The following GFRA1 variants were observed in gnomAD, a reference collection of about 807,000 sequenced individuals.
The protein encoded by GFRA1 is GDNF family receptor alpha 1, also known as GDNF family receptor alpha-1.
A neutral mutation model predicts 51.6 loss-of-function variants in GFRA1; 16 were observed. The ratio of observed to expected loss-of-function variants is 0.31; its 90% confidence interval spans 0.21 to 0.47. The LOEUF is 0.47. Among genes scored for constraint, GFRA1 ranks in the 20% least tolerant of loss-of-function variants. The pLI, the probability that GFRA1 is intolerant of heterozygous loss-of-function variation, is 1.00. For synonymous variants in GFRA1, 270 were observed against 241.3 expected (o/e 1.12, Z -1.10); for missense variants, 530 against 594.3 (o/e 0.89, Z 1.13).
chr10:116,121,884 A>G (rs1406551737), intron 6 of GFRA1, among the ~76,000 whole-genome samples: 3 of 152,196 alleles, frequency 2.0e-5, no homozygotes, highest in African/African-American at 7.2e-5. Context: ...ACGGCCTCAC[A>G]GAGATGGATT....
intron 5 of GFRA1, among the ~76,000 whole-genome samples, chr10:116,208,614 G>T (rs1042478519): frequency 6.6e-6 from 1 of 152,170 alleles, no homozygotes; most frequent in Non-Finnish European, 1.5e-5. Context: ...AGCGCAGGGA[G>T]AATTAACTAA....
At chr10:116,096,393 C>T (rs188518441) in intron 7 of GFRA1, among the ~76,000 whole-genome samples, 95 of 152,284 alleles carry the variant, frequency 6.2e-4, no homozygotes, top group African/African-American at 2.2e-3. Context: ...GACGCCTTAC[C>T]CGTCTGCGCA....
chr10:116,261,345 C>T (rs7083636), intron 4 of GFRA1, among the ~76,000 whole-genome samples: 147,911 of 152,324 alleles, frequency 0.97, 71,960 homozygotes, highest in East Asian at 1. Flanking sequence ...GGGACTAGAA[C>T]GACCTCCAAA....
chr10:116,233,521 C>G (rs144017509), intron 4 of GFRA1, among the ~76,000 whole-genome samples: 3,268 of 152,184 alleles, frequency 0.021, 104 homozygotes, highest in African/African-American at 0.075. Flanking sequence ...TGGCCTGGTC[C>G]AGCCTGGATG....
chr10:116,106,750 A>G (rs1272000802), intron 6 of GFRA1, among the ~76,000 whole-genome samples: 1 of 140,768 alleles, frequency 7.1e-6, no homozygotes, highest in East Asian at 2.2e-4. Flanking sequence ...TATAGTTTGG[A>G]CATCCCCTCC....
intron 5 of GFRA1, among the ~76,000 whole-genome samples, chr10:116,170,395 T>A (rs1960909050): frequency 6.6e-6 from 1 of 152,216 alleles, no homozygotes; most frequent in Non-Finnish European, 1.5e-5. Context: ...ATTGAGATAA[T>A]TCATGTAAAA....
chr10:116,169,806 G>A (rs1960850149), intron 5 of GFRA1, among the ~76,000 whole-genome samples: 1 of 152,172 alleles, frequency 6.6e-6, no homozygotes, highest in African/African-American at 2.4e-5. Flanking sequence ...GGACCCAGGT[G>A]CGGGTGCAAG....
intron 4 of GFRA1, among the ~76,000 whole-genome samples, chr10:116,265,078 A>C (rs2577356): frequency 0.19 from 28,972 of 152,166 alleles, 3,305 homozygotes; most frequent in East Asian, 0.33. Context: ...TATTCACAGA[A>C]TCACTCAGAA....
intron 5 of GFRA1, among the ~76,000 whole-genome samples, chr10:116,161,006 G>A (rs1959717653): frequency 6.6e-6 from 1 of 152,198 alleles, no homozygotes; most frequent in Non-Finnish European, 1.5e-5. Context: ...TGGGCAAGAT[G>A]GTCTCCTGCA....
intron 6 of GFRA1, among the ~76,000 whole-genome samples, chr10:116,106,246 A>AATAAATGTGT (rs1957001327): frequency 6.6e-6 from 1 of 152,210 alleles, no homozygotes; most frequent in Non-Finnish European, 1.5e-5. Flanking sequence ...TCAGTAAGAG[A>AATAAATGTGT]ATAAATGTGT....
intron 5 of GFRA1, among the ~76,000 whole-genome samples, chr10:116,194,495 C>T (rs763903348): frequency 2.4e-4 from 36 of 152,216 alleles, no homozygotes; most frequent in Admixed American, 1.2e-3. Flanking sequence ...TAGATTTTGT[C>T]GATATGCAAC....
intron 5 of GFRA1, among the ~76,000 whole-genome samples, chr10:116,169,877 T>C (rs773083458): frequency 5.9e-5 from 9 of 152,222 alleles, no homozygotes; most frequent in Non-Finnish European, 1.3e-4. Flanking sequence ...AGACAGCACA[T>C]ACTAAAAGAG....
chr10:116,241,147 G>C (rs12764974), intron 4 of GFRA1, among the ~76,000 whole-genome samples: 2 of 4,190 alleles, frequency 4.8e-4, no homozygotes, highest in African/African-American at 5.1e-4. Flanking sequence ...TTTCTAAAAC[G>C]TGTGTTTTTG....
chr10:116,233,262 A>C (rs1966795318), intron 4 of GFRA1, among the ~76,000 whole-genome samples: 1 of 152,072 alleles, frequency 6.6e-6, no homozygotes, highest in African/African-American at 2.4e-5. Context: ...TGGGAGGCAG[A>C]TGTTGCAGTG....
upstream of GFRA1, among the ~76,000 whole-genome samples, chr10:116,274,177 G>C (rs2532690): frequency 0.99 from 147,670 of 149,278 alleles, 73,064 homozygotes; most frequent in East Asian, 1. Context: ...CGCCCCCCAC[G>C]CCTGACACAC....
rs571498314 is a variant in GFRA1, at chr10:116,228,101, T to G, written c.419-16456A>C. On this transcript the variant is annotated intron_variant, in intron 4 of 10. Coordinates refer to ENST00000355422, the MANE Select transcript of GFRA1 (RefSeq NM_005264.8). ...AAAGAACTGGCTGGAACATGGCTATTTCTAGATGGACTTGTTCAGGGCTTG... is the reference window on the plus strand; with the variant it reads ...AAAGAACTGGCTGGAACATGGCTATGTCTAGATGGACTTGTTCAGGGCTTG... Among the ~76,000 whole-genome samples the G allele has an allele frequency of 2.0e-5, 3 of 152,304 alleles. No individual in the cohort carries two copies. The East Asian group carries it at 5.8e-4, about 29-fold the overall frequency.
rs1250419617 is a variant in GFRA1, at chr10:116,245,687, AT to A, written c.418+23815del. 3.3e-5 allele frequency among the ~76,000 whole-genome samples: 5 copies of A among 152,250 alleles called. 1 individual carries two copies. Among genetic ancestry groups the A allele is most frequent in the Admixed American group, 3.3e-4 (5 of 15,288 alleles). ...CAACAGCCAAAACTGGAAAGAAGACATCCTTCAGTAAGTGAATTGGTAAACA... is the reference window on the plus strand; with the variant it reads ...CAACAGCCAAAACTGGAAAGAAGACACCTTCAGTAAGTGAATTGGTAAACA... On this transcript the variant is annotated intron_variant, in intron 4 of 10. Coordinates refer to ENST00000355422, the MANE Select transcript of GFRA1 (RefSeq NM_005264.8).
chr10:116,262,837 C>A (rs2134770985), intron 4 of GFRA1, among the ~76,000 whole-genome samples: 1 of 152,222 alleles, frequency 6.6e-6, no homozygotes, highest in Non-Finnish European at 1.5e-5. Context: ...GTAATTCTTG[C>A]CGCTATGAGG....
chr10:116,273,657 CTCTCTCTCTCTCTG>C (rs1243466963), upstream of GFRA1, among the ~76,000 whole-genome samples: 4 of 98,318 alleles, frequency 4.1e-5, no homozygotes, highest in African/African-American at 1.0e-4. Flanking sequence ...CTCTCTCTCT[CTCTCTCTCTCTCTG>C]TCTCTCTCTC....
Sources: gnomAD v4.1 joint callset for allele counts (sites outside exome capture counted in the v4.1 genomes callset) on GRCh38, gnomAD v4.1.1 for gene constraint, MANE v1.5 for transcripts, NCBI Gene and HGNC (gene_info 2026-07-23, HGNC 2026-07-21) for gene names.